Variants in APBA2 observed in about 807,000 individuals in gnomAD.
The protein encoded by APBA2 is amyloid beta precursor protein binding family A member 2.
Under a neutral mutation model 75.0 loss-of-function variants are expected in APBA2, and 30 were observed. The ratio of observed to expected loss-of-function variants is 0.40; its 90% CI spans 0.30 to 0.54. The LOEUF is 0.54. Ranked by LOEUF, APBA2 falls within the 20% of genes least tolerant of loss-of-function variation. The probability of loss-of-function intolerance (pLI) is 0.49; values close to 1 mark genes in which losing one functional copy is unlikely to be tolerated. For synonymous variants in APBA2, 444 were observed against 409.6 expected, an observed-to-expected ratio of 1.08 and a Z score of -1.01; for missense variants, 801 against 1,016.1, an observed-to-expected ratio of 0.79 and a Z score of 2.88.
In APBA2 at chr15:29,105,368, C is replaced by T. The variant is rs1281962407; in HGVS notation, c.1525-11C>T. Reference sequence around the variant, plus strand: ...ACGTGCCTGTCTCCAGCTGGCCTGCCCTCTGCACAGGCCCAGCTCATCGCC... The same window carrying T: ...ACGTGCCTGTCTCCAGCTGGCCTGCTCTCTGCACAGGCCCAGCTCATCGCC... On this transcript the variant is annotated splice_polypyrimidine_tract_variant and intron_variant, in intron 10 of 14. Coordinates refer to ENST00000683413, the MANE Select transcript of APBA2 (RefSeq NM_001353788.2). The T allele has an allele frequency of 5.6e-6, 9 of 1,609,174 alleles. No homozygotes were observed. Among genetic ancestry groups the T allele is most frequent in the Non-Finnish European group, 7.6e-6 (9 of 1,179,628 alleles).
rs556633492 is a variant in APBA2 at position 29,118,285 on chromosome 15, A to G, written c.*1152A>G. ...CTACCCGTAGGAAGACTTCGCGCAT[A>G]TCACTAATAAACCTGAAGTCGTGAT... On this transcript the variant is annotated 3_prime_UTR_variant, in exon 15 of 15. Coordinates refer to ENST00000683413, the MANE Select transcript of APBA2 (RefSeq NM_001353788.2). 6.6e-6 allele frequency: 1 copy of G among 152,450 alleles called. No individual in the cohort carries two copies. The highest frequency in any genetic ancestry group is 2.4e-5 in the African/African-American group (1 of 41,476). The allele number at this position is 152,450 out of a possible 1,614,324, so 9.4% of individuals were successfully genotyped here.
At chr15:29,015,854 C>A (rs2039632656) in intron 3 of APBA2, among the ~76,000 whole-genome samples, 1 of 152,200 alleles carries the variant, frequency 6.6e-6, no homozygotes, top group African/African-American at 2.4e-5. Context: ...TGACCCGGGG[C>A]AGATCCTTGC....
chr15:29,101,538 T>C (rs910169254), intron 9 of APBA2, 61 bp from the exon 10 acceptor site: 18 of 1,558,980 alleles, frequency 1.2e-5, no homozygotes, highest in Non-Finnish European at 1.6e-5. Flanking sequence ...AGCCCTGGAG[T>C]ACTTTTCAAT....
chr15:29,027,878 C>G (rs1027619851), intron 3 of APBA2, among the ~76,000 whole-genome samples: 1 of 152,172 alleles, frequency 6.6e-6, no homozygotes. Context: ...GCTGGGATTA[C>G]AGGCGTGAGC....
intron 1 of APBA2, among the ~76,000 whole-genome samples, chr15:28,892,337 G>A (rs146952688): frequency 0.51 from 77,806 of 151,994 alleles, 20,927 homozygotes; most frequent in African/African-American, 0.68. Context: ...GGCCTCCCAA[G>A]GTGCTGGGAT....
At chr15:29,110,741 G>A (rs1039643579) in intron 13 of APBA2, among the ~76,000 whole-genome samples, 3 of 152,320 alleles carry the variant, frequency 2.0e-5, no homozygotes, top group East Asian at 3.9e-4. Flanking sequence ...GAAGGACTCC[G>A]GTTTGTGTTT....
At chr15:28,959,446 GTTCTTGTAAGAAGA>G (rs762771957) in intron 2 of APBA2, among the ~76,000 whole-genome samples, 1 of 152,228 alleles carries the variant, frequency 6.6e-6, no homozygotes, top group Non-Finnish European at 1.5e-5. Flanking sequence ...TCTGACTGAT[GTTCTTGTAAGAAGA>G]GATTCAGACA....
At chr15:29,040,098 T>C (rs531377545) in intron 3 of APBA2, among the ~76,000 whole-genome samples, 2 of 152,310 alleles carry the variant, frequency 1.3e-5, no homozygotes, top group Non-Finnish European at 2.9e-5. Context: ...TTAGGAGGGA[T>C]CACTGTTTTG....
At chr15:28,953,968 A>G (rs1230271870) in intron 2 of APBA2, among the ~76,000 whole-genome samples, 1 of 152,092 alleles carries the variant, frequency 6.6e-6, no homozygotes, top group Non-Finnish European at 1.5e-5. Context: ...GCTTTCCCTT[A>G]GAGTTCTAAT....
intron 3 of APBA2, among the ~76,000 whole-genome samples, chr15:29,053,012 A>G (rs2041677541): frequency 6.6e-6 from 1 of 152,208 alleles, no homozygotes; most frequent in Admixed American, 6.5e-5. Flanking sequence ...TTAGGGATTA[A>G]GTCTCCAACG....
At chr15:28,992,983 G>T (rs114600112) in intron 2 of APBA2, among the ~76,000 whole-genome samples, 181 of 152,346 alleles carry the variant, frequency 1.2e-3, no homozygotes, top group African/African-American at 4.2e-3. Context: ...ACAAACAGCC[G>T]AGGGGGACTG....
rs558453291 is a variant in APBA2, at chr15:28,894,509, A to G, written c.-205+8231A>G. On this transcript the variant is annotated intron_variant, in intron 1 of 14. Transcript: ENST00000683413. The stretch of plus-strand genomic sequence containing the variant: ...CCATCCTATAAGAGTGGGTGGGTTT[A>G]CCCCTTCAGAGCCCAGGCCAGAAGA... 8.6e-5 allele frequency among the ~76,000 whole-genome samples: 13 copies of G among 152,020 alleles called. No individual in the cohort carries two copies. In the East Asian group the frequency reaches 2.5e-3, roughly 30 times the overall value.
intron 8 of APBA2, among the ~76,000 whole-genome samples, chr15:29,097,437 G>A (rs1002011289): frequency 6.6e-6 from 1 of 152,200 alleles, no homozygotes; most frequent in Admixed American, 6.5e-5. Flanking sequence ...TGATGCGGCC[G>A]GTGGCGTGCA....
intron 2 of APBA2, among the ~76,000 whole-genome samples, chr15:28,948,730 G>A (rs947315926): frequency 1.3e-5 from 2 of 152,190 alleles, no homozygotes; most frequent in Non-Finnish European, 2.9e-5. Flanking sequence ...TGTGCCCTGC[G>A]GTTGTGGTTT....
chr15:29,023,867 G>C (rs1016705782), intron 3 of APBA2, among the ~76,000 whole-genome samples: 5 of 150,694 alleles, frequency 3.3e-5, no homozygotes, highest in African/African-American at 1.2e-4. Context: ...TTTGTTGTTA[G>C]CATTTTATTA....
At chr15:28,974,929 A>G (rs1171097647) in intron 2 of APBA2, among the ~76,000 whole-genome samples, 2 of 152,180 alleles carry the variant, frequency 1.3e-5, no homozygotes, top group East Asian at 1.9e-4. Context: ...AGGAATGAGA[A>G]AAAAATGAAA....
At chr15:29,111,843 T>A (rs2044750138) in intron 13 of APBA2, among the ~76,000 whole-genome samples, 1 of 152,114 alleles carries the variant, frequency 6.6e-6, no homozygotes, top group Admixed American at 6.5e-5. Context: ...AGCCGGGACC[T>A]CCAGGGAGCA....
At chr15:29,060,585 C>G (rs1336313729) in intron 4 of APBA2, among the ~76,000 whole-genome samples, 1 of 152,094 alleles carries the variant, frequency 6.6e-6, no homozygotes, top group African/African-American at 2.4e-5. Context: ...TTGGCGTGCC[C>G]TGTTGTTCTC....
At chr15:28,983,002 G>A (rs571302274) in intron 2 of APBA2, among the ~76,000 whole-genome samples, 3 of 152,372 alleles carry the variant, frequency 2.0e-5, no homozygotes, top group South Asian at 4.1e-4. Context: ...GAGGCCACAA[G>A]TGTGTCAGGG....
Sources: gnomAD v4.1 joint callset for allele counts (sites outside exome capture counted in the v4.1 genomes callset) on GRCh38, gnomAD v4.1.1 for gene constraint, MANE v1.5 for transcripts, NCBI Gene and HGNC (gene_info 2026-07-23, HGNC 2026-07-21) for gene names.